DNAH8: variants seen among roughly 807,000 people sequenced by gnomAD.
DNAH8 encodes the protein dynein axonemal heavy chain 8.
A neutral mutation model predicts 562.1 loss-of-function variants in DNAH8; 382 were observed. The observed-to-expected ratio is 0.68, with a 90% CI of 0.63 to 0.74. DNAH8 has a LOEUF of 0.74. DNAH8 is among the 30% of genes least tolerant of loss of function. DNAH8 has a pLI of 0.00. For synonymous variants in DNAH8, 1,881 were observed against 1,919.4 expected (o/e 0.98, Z 0.52); for missense variants, 5,203 against 5,620.4 (o/e 0.93, Z 2.37).
chr6:38,998,108 CCT>C (rs1352612954), intron 88 of DNAH8, among the ~76,000 whole-genome samples: 2 of 152,118 alleles, frequency 1.3e-5, no homozygotes, highest in African/African-American at 4.8e-5. Flanking sequence ...CTCGATGCCC[CCT>C]GTTTATTGGA....
intron 1 of DNAH8, among the ~76,000 whole-genome samples, chr6:38,720,616 A>G (rs754935508): frequency 6.6e-6 from 1 of 152,226 alleles, no homozygotes; most frequent in Non-Finnish European, 1.5e-5. Context: ...GACATATCCA[A>G]TAAAAACCAA....
chr6:38,904,592 A>G, intron 62 of DNAH8, among the ~76,000 whole-genome samples: 1 of 151,960 alleles, frequency 6.6e-6, no homozygotes, highest in East Asian at 1.9e-4. Flanking sequence ...GGAGTTCGAG[A>G]CTGGCTGGCC....
intron 16 of DNAH8, among the ~76,000 whole-genome samples, chr6:38,782,249 A>G (rs1469775712): frequency 1.3e-5 from 2 of 149,052 alleles, no homozygotes; most frequent in African/African-American, 5.0e-5. Flanking sequence ...TTTGATTTTT[A>G]AATAAAGAAA....
At chr6:38,851,362 C>A (rs1003761897) in intron 38 of DNAH8, among the ~76,000 whole-genome samples, 1 of 152,154 alleles carries the variant, frequency 6.6e-6, no homozygotes, top group African/African-American at 2.4e-5. Context: ...GATGGGGCAG[C>A]CTTGCTCTGA....
rs764854257 is a variant in DNAH8, at chr6:39,012,252, C to A, written c.13409C>A (p.Ser4470Ter). 1 of 1,611,414 alleles carries A rather than the reference C, an allele frequency of 6.2e-7. No individual in the cohort carries two copies. Among genetic ancestry groups the A allele is most frequent in the Non-Finnish European group, 8.5e-7 (1 of 1,177,966 alleles). ...TTGATAAAGATGGGCCATCTTAATT[C>A]AATGAACATATTTCTTAGACAAGAA... is the stretch of plus-strand genomic sequence containing the variant. ...SRLIKMGHLNSMNIFLRQEID... is the reference protein window; with the variant it reads ...SRLIKMGHLN Residue 4470 changes from serine to a stop codon, truncating the protein, a stop_gained, in exon 90 of 93, where the codon TCA becomes TAA. Transcript: ENST00000327475. LOFTEE classifies it high-confidence loss of function.
At position 38,984,575 on chromosome 6, in the gene DNAH8, G is replaced by A. The variant is rs145405773; in HGVS notation, c.13053+268G>A. Among the ~76,000 whole-genome samples the A allele has an allele frequency of 5.0e-3, 766 of 152,092 alleles. 7 individuals are homozygous for A. The highest frequency in any genetic ancestry group is 0.018 in the African/African-American group (727 of 41,516). On this transcript the variant is annotated intron_variant, in intron 87 of 92. Transcript: ENST00000327475. ...TGGGAGACTGAGGCGGGCGGATCAC[G>A]AGGTCAGGAGTTCTAGACCAGCCTG... is the stretch of plus-strand genomic sequence containing the variant.
chr6:38,890,888 T>C, intron 58 of DNAH8, 127 bp downstream of exon 58: 1 of 645,972 alleles, frequency 1.5e-6, no homozygotes, highest in South Asian at 2.0e-5. Context: ...ACAAATTACG[T>C]GCTCAAATAG....
At chr6:38,854,373 A>C (rs1776016578) in intron 41 of DNAH8, among the ~76,000 whole-genome samples, 1 of 152,122 alleles carries the variant, frequency 6.6e-6, no homozygotes, top group South Asian at 2.1e-4. Context: ...AACGTAGGCA[A>C]TTTTTGCCCA....
chr6:38,736,140 A>AG, intron 5 of DNAH8, among the ~76,000 whole-genome samples: 1 of 152,030 alleles, frequency 6.6e-6, no homozygotes, highest in East Asian at 1.9e-4. Flanking sequence ...AAAAAAAAAA[A>AG]GACATTTTCT....
intron 82 of DNAH8, among the ~76,000 whole-genome samples, chr6:38,965,110 TAA>T (rs1762887290): frequency 6.6e-6 from 1 of 151,104 alleles, no homozygotes; most frequent in African/African-American, 2.4e-5. Flanking sequence ...TAAAATAAAA[TAA>T]AATAATGTAT....
chr6:39,006,574 T>A (rs1188908197), intron 88 of DNAH8, among the ~76,000 whole-genome samples: 2 of 152,354 alleles, frequency 1.3e-5, no homozygotes, highest in East Asian at 3.9e-4. Context: ...GGAAATTGAC[T>A]GTTGGATTAT....
intron 8 of DNAH8, among the ~76,000 whole-genome samples, chr6:38,747,300 A>G (rs1360127082): frequency 2.0e-5 from 3 of 151,922 alleles, no homozygotes; most frequent in Admixed American, 6.6e-5. Context: ...AAGGTCATGC[A>G]CTTACCTCTT....
At chr6:38,729,134 T>C (rs188074616) in intron 3 of DNAH8, among the ~76,000 whole-genome samples, 3 of 151,696 alleles carry the variant, frequency 2.0e-5, no homozygotes, top group Admixed American at 6.6e-5. Flanking sequence ...ACCTGGGAGG[T>C]AGAGGTTGCA....
chr6:38,866,051 T>C (rs1270768989), intron 45 of DNAH8, among the ~76,000 whole-genome samples: 1 of 152,222 alleles, frequency 6.6e-6, no homozygotes, highest in African/African-American at 2.4e-5. Context: ...TCAGTGTTTT[T>C]CCCATCATTC....
At chr6:38,950,697 C>T (rs183816811) in intron 81 of DNAH8, among the ~76,000 whole-genome samples, 16 of 152,188 alleles carry the variant, frequency 1.1e-4, no homozygotes, top group Admixed American at 9.8e-4. Flanking sequence ...CCTTGGCCTT[C>T]CAAAGTGCTG....
At chr6:39,013,578 G>A (rs1766368863) in intron 91 of DNAH8, among the ~76,000 whole-genome samples, 1 of 152,226 alleles carries the variant, frequency 6.6e-6, no homozygotes, top group African/African-American at 2.4e-5. Context: ...AGGGCCAGGA[G>A]CGATGGCTCA....
In DNAH8 at chr6:38,722,636, C is replaced by T. The variant is rs114993488; in HGVS notation, c.-34-140C>T. The T allele has an allele frequency of 3.3e-3, 2,244 of 670,638 alleles. 33 individuals are homozygous for T. The African/African-American group carries it at 0.035, about 10-fold the overall frequency. 41.5% of individuals were successfully genotyped at this position (670,638 alleles called of 1,614,324 possible). A position where few individuals can be genotyped will look rare whatever the true frequency, so the allele number is the denominator to read the frequency against. On this transcript the variant is annotated intron_variant, in intron 1 of 92. Coordinates refer to ENST00000327475, the MANE Select transcript of DNAH8 (RefSeq NM_001206927.2). ...TCACTAAAAATATCACCTCTCCAGC[C>T]CCATAAACTAAGCTTCCTTAGATAA...
At chr6:39,022,620 G>A (rs1281764650) in intron 91 of DNAH8, among the ~76,000 whole-genome samples, 1 of 152,224 alleles carries the variant, frequency 6.6e-6, no homozygotes, top group African/African-American at 2.4e-5. Context: ...GGGGTGCCCT[G>A]CTCAGGGATG....
At position 38,882,942 on chromosome 6, in the gene DNAH8, C is replaced by G; in HGVS notation, c.7891C>G (p.Pro2631Ala). Residue 2631 changes from proline (P) to alanine (A), a missense_variant, in exon 54 of 93, where the codon CCT becomes GCT. By Grantham distance (27) the Pro-to-Ala change is conservative. This residue lies in a region of DNAH8 where 977 missense variants were observed against 1,061.8 expected (regional missense o/e 0.92). Coordinates refer to ENST00000327475, the MANE Select transcript of DNAH8 (RefSeq NM_001206927.2). ...GGAGCACTGGAATAAGAAACTTCAGCCTTATTATTATCCAACTGACAGTAT... is the reference window on the plus strand; with the variant it reads ...GGAGCACTGGAATAAGAAACTTCAGGCTTATTATTATCCAACTGACAGTAT... Reference protein sequence around the residue: ...DWEHWNKKLQPYYYPTDSIPE... With the variant: ...DWEHWNKKLQAYYYPTDSIPE... The G allele has an allele frequency of 6.2e-7, 1 of 1,600,032 alleles. No homozygotes were observed. Among genetic ancestry groups the G allele is most frequent in the Non-Finnish European group, 8.5e-7 (1 of 1,174,586 alleles).
Sources: allele counts gnomAD v4.1 joint callset (sites outside exome capture counted in the v4.1 genomes callset), GRCh38; gene constraint gnomAD v4.1.1; regional missense constraint gnomAD v4.1.1; transcripts MANE v1.5; gene names NCBI Gene and HGNC (gene_info 2026-07-23, HGNC 2026-07-21).